TRAPPC9: variants seen among roughly 807,000 people sequenced by gnomAD.
The protein encoded by TRAPPC9 is trafficking protein particle complex subunit 9, also known as IKK2 binding protein.
TRAPPC9 carries 83 observed loss-of-function variants against 124.0 expected under a neutral mutation model. The ratio of observed to expected loss-of-function variants is 0.67; its 90% CI spans 0.56 to 0.80. TRAPPC9 has a LOEUF of 0.80. TRAPPC9 is among the 30% of genes least tolerant of loss of function. The probability of loss-of-function intolerance (pLI) is 0.00; values close to 1 mark genes in which losing one functional copy is unlikely to be tolerated. For missense variants in TRAPPC9, 1,302 were observed against 1,508.3 expected (o/e 0.86, Z 2.27); for synonymous variants, 638 against 617.5 (o/e 1.03, Z -0.49).
chr8:140,410,029 T>A (rs1365555286), intron 5 of TRAPPC9, among the ~76,000 whole-genome samples: 1 of 149,560 alleles, frequency 6.7e-6, no homozygotes, highest in Admixed American at 6.7e-5. Flanking sequence ...GATTCCCAGC[T>A]ACTTGGGAGG....
At chr8:139,960,006 G>GT (rs2131556012) in intron 19 of TRAPPC9, among the ~76,000 whole-genome samples, 1 of 152,342 alleles carries the variant, frequency 6.6e-6, no homozygotes, top group South Asian at 2.1e-4. Flanking sequence ...CTGAGCACCT[G>GT]TGTCAGATGC....
rs1463265666 is a variant in TRAPPC9 at position 139,784,606 on chromosome 8, G to GAT, written c.3056-52405_3056-52404insAT. On this transcript the variant is annotated intron_variant, in intron 21 of 22. Coordinates refer to ENST00000438773, the MANE Select transcript of TRAPPC9 (RefSeq NM_001160372.4). ...TAAATAAATAAATAAATAAAAGACT[G>GAT]ACATATATATATATATATATATATA... 7.3e-3 allele frequency among the ~76,000 whole-genome samples: 222 copies of GAT among 30,418 alleles called. 1 individual carries two copies. Among genetic ancestry groups the GAT allele is most frequent in the African/African-American group, 0.02 (202 of 10,256 alleles). The allele number at this position is 30,418 out of a possible 152,430, so 20.0% of individuals were successfully genotyped here. A position where few individuals can be genotyped will look rare whatever the true frequency, so the allele number is the denominator to read the frequency against.
chr8:139,812,053 G>A lies in TRAPPC9; in HGVS notation c.3055+73826C>T, dbSNP rs531264683. ...AGGACATCAGGCCACATGGAAGCAG[G>A]ACATGAGAACGCTGGAGAGATATCT... On this transcript the variant is annotated intron_variant, in intron 21 of 22. Transcript: ENST00000438773. Among the ~76,000 whole-genome samples the A allele has an allele frequency of 7.7e-4, 118 of 152,292 alleles. 1 individual carries two copies. Among genetic ancestry groups the A allele is most frequent in the Non-Finnish European group, 5.1e-4 (35 of 68,024 alleles).
At chr8:140,237,619 G>A (rs60682469) in intron 16 of TRAPPC9, among the ~76,000 whole-genome samples, 7,974 of 152,044 alleles carry the variant, frequency 0.052, 689 homozygotes, top group African/African-American at 0.18. Context: ...ATGAGAGCAC[G>A]GTGCAACTAA....
intron 20 of TRAPPC9, among the ~76,000 whole-genome samples, chr8:139,906,006 A>C (rs1208157538): frequency 6.6e-6 from 1 of 151,894 alleles, no homozygotes; most frequent in Non-Finnish European, 1.5e-5. Context: ...AGGCAGGGGA[A>C]TCTCTGGAAC....
At chr8:140,160,446 C>A (rs2061727019) in intron 17 of TRAPPC9, among the ~76,000 whole-genome samples, 2 of 152,170 alleles carry the variant, frequency 1.3e-5, no homozygotes, top group South Asian at 4.1e-4. Context: ...CACATATACA[C>A]CATGGAATAC....
intron 21 of TRAPPC9, among the ~76,000 whole-genome samples, chr8:139,828,576 C>T (rs1198654688): frequency 6.6e-6 from 1 of 152,184 alleles, no homozygotes; most frequent in Non-Finnish European, 1.5e-5. Flanking sequence ...TGAGATTTCC[C>T]GGCATGGGGC....
chr8:140,417,397 C>T (rs1390754678), intron 5 of TRAPPC9, among the ~76,000 whole-genome samples: 3 of 152,054 alleles, frequency 2.0e-5, no homozygotes, highest in East Asian at 1.9e-4. Context: ...TAAGCAAAGG[C>T]GAAGGATATG....
intron 16 of TRAPPC9, among the ~76,000 whole-genome samples, chr8:140,225,693 A>G (rs2063434760): frequency 6.6e-6 from 1 of 152,152 alleles, no homozygotes; most frequent in Admixed American, 6.5e-5. Flanking sequence ...AAGACCACTC[A>G]ATGTGACTTC....
At chr8:140,054,870 A>G (rs1842210517) in intron 17 of TRAPPC9, among the ~76,000 whole-genome samples, 1 of 152,206 alleles carries the variant, frequency 6.6e-6, no homozygotes, top group Non-Finnish European at 1.5e-5. Flanking sequence ...AAACCTCAAC[A>G]GAATCACAAC....
At chr8:140,278,839 C>T (rs1026547300) in intron 14 of TRAPPC9, among the ~76,000 whole-genome samples, 3 of 152,248 alleles carry the variant, frequency 2.0e-5, no homozygotes, top group African/African-American at 4.8e-5. Context: ...TGCTCCTCTG[C>T]GCGTCTCCTC....
At chr8:139,771,767 C>A (rs1045807599) in intron 21 of TRAPPC9, among the ~76,000 whole-genome samples, 1 of 152,230 alleles carries the variant, frequency 6.6e-6, no homozygotes, top group Non-Finnish European at 1.5e-5. Context: ...ACCCCAGAGC[C>A]GCCAGGCTGG....
At chr8:140,156,318 G>A (rs182914069) in intron 17 of TRAPPC9, among the ~76,000 whole-genome samples, 8 of 152,292 alleles carry the variant, frequency 5.3e-5, no homozygotes, top group Non-Finnish European at 1.0e-4. Context: ...TGTAACTTCA[G>A]TGCAATCATT....
intron 21 of TRAPPC9, among the ~76,000 whole-genome samples, chr8:139,878,363 G>T (rs987188725): frequency 5.9e-5 from 9 of 152,214 alleles, no homozygotes; most frequent in African/African-American, 2.2e-4. Context: ...AGGTTGTTTT[G>T]GGGATAGGGA....
Position 139,907,211 on chromosome 8 carries a change from C to T in TRAPPC9, c.2964+2936G>A, listed in dbSNP as rs1328285764. On this transcript the variant is annotated intron_variant, in intron 20 of 22. Transcript: ENST00000438773. This position sits in a 1 kb window ranked among gnomAD's most constrained non-coding sequence, Gnocchi z 4.7. ...AGCCCTGGGCTGCCCATCGTGTCAC[C>T]GTAGCTGCTTCATAGACAGGTGTGC... Among the ~76,000 whole-genome samples, 1 of 152,078 alleles carries T rather than the reference C, an allele frequency of 6.6e-6. No homozygotes were observed. The highest frequency in any genetic ancestry group is 2.4e-5 in the African/African-American group (1 of 41,434).
At position 139,819,345 on chromosome 8, in the gene TRAPPC9, G is replaced by C. The variant is rs569923755; in HGVS notation, c.3055+66534C>G. Among the ~76,000 whole-genome samples, 8 of 152,256 alleles carry C rather than the reference G, an allele frequency of 5.3e-5. No individual in the cohort carries two copies. The East Asian group carries it at 1.5e-3, about 29-fold the overall frequency. On this transcript the variant is annotated intron_variant, in intron 21 of 22. Transcript: ENST00000438773. ...TATAATTATTTCATTATATATTACA[G>C]TGTAATAATAGTAGAAATAAAGTGC...
chr8:139,744,983 C>T (rs1818793887), intron 21 of TRAPPC9, among the ~76,000 whole-genome samples: 1 of 152,208 alleles, frequency 6.6e-6, no homozygotes, highest in African/African-American at 2.4e-5. Flanking sequence ...TGCCAGGGCC[C>T]CTGTGGAGGG....
intron 18 of TRAPPC9, among the ~76,000 whole-genome samples, chr8:140,005,578 C>G (rs1486429746): frequency 2.0e-5 from 3 of 152,052 alleles, no homozygotes; most frequent in Admixed American, 2.0e-4. Flanking sequence ...TCAATCAGCA[C>G]GGCTTATTGG....
chr8:139,755,795 G>T (rs1283322852), intron 21 of TRAPPC9, among the ~76,000 whole-genome samples: 2 of 135,648 alleles, frequency 1.5e-5, no homozygotes, highest in Middle Eastern at 5.3e-3. Context: ...CAGGTCGCAG[G>T]AGGAGCCAGG....
Sources: gnomAD v4.1 joint callset for allele counts (sites outside exome capture counted in the v4.1 genomes callset) on GRCh38, gnomAD v4.1.1 for gene constraint, Gnocchi (gnomAD v3.1) non-coding constraint, MANE v1.5 for transcripts, NCBI Gene and HGNC (gene_info 2026-07-23, HGNC 2026-07-21) for gene names.